The following PCDHA13 variants were observed in gnomAD, a reference collection of about 807,000 sequenced individuals.
PCDHA13 encodes the protein protocadherin alpha 13.
PCDHA13 carries 54 observed loss-of-function variants against 64.8 expected under a neutral mutation model. The observed-to-expected ratio is 0.83, with a 90% CI of 0.67 to 1.04. The LOEUF is 1.04. Ranked by LOEUF, PCDHA13 falls within the 50% of genes least tolerant of loss-of-function variation. PCDHA13 has a pLI of 0.00. For missense variants in PCDHA13, 1,248 were observed against 1,254.3 expected, an observed-to-expected ratio of 0.99 and a Z score of 0.08; for synonymous variants, 587 against 564.4, an observed-to-expected ratio of 1.04 and a Z score of -0.57.
chr5:140,913,107 CA>C (rs2076210472), intron 1 of PCDHA13, among the ~76,000 whole-genome samples: 1 of 152,078 alleles, frequency 6.6e-6, no homozygotes, highest in South Asian at 2.1e-4. Context: ...CTCATAGAAT[CA>C]GTTTGGAAGT....
intron 3 of PCDHA13, among the ~76,000 whole-genome samples, chr5:141,004,805 A>G (rs1588069791): frequency 6.6e-6 from 1 of 152,310 alleles, no homozygotes; most frequent in African/African-American, 2.4e-5. Flanking sequence ...GCTGAGCTCA[A>G]TTGCAGATTT....
chr5:140,943,057 G>A (rs907618778), intron 1 of PCDHA13, among the ~76,000 whole-genome samples: 2 of 151,996 alleles, frequency 1.3e-5, no homozygotes, highest in African/African-American at 4.8e-5. Context: ...AGGAGTTCAA[G>A]AACAGCCTGA....
At chr5:140,927,248 A>G in intron 1 of PCDHA13, 1 of 1,614,064 alleles carries the variant, frequency 6.2e-7, no homozygotes. Flanking sequence ...GACACCAATG[A>G]CAACTCACCT....
At chr5:140,931,246 C>A (rs2087398062) in intron 1 of PCDHA13, among the ~76,000 whole-genome samples, 1 of 152,114 alleles carries the variant, frequency 6.6e-6, no homozygotes, top group East Asian at 1.9e-4. Flanking sequence ...ACTTTTCCTA[C>A]CAAGAAATTT....
At chr5:140,971,641 C>T (rs1554233513) in intron 1 of PCDHA13, among the ~76,000 whole-genome samples, 1 of 152,078 alleles carries the variant, frequency 6.6e-6, no homozygotes, top group African/African-American at 2.4e-5. Context: ...CATGTGCCTA[C>T]ATTAAAAGTA....
intron 1 of PCDHA13, chr5:140,966,454 C>G (rs897696652): frequency 1.6e-5 from 7 of 426,406 alleles, no homozygotes; most frequent in Non-Finnish European, 1.6e-5. Flanking sequence ...TCCCCCTCCC[C>G]CTCTGTCTTC....
intron 3 of PCDHA13, among the ~76,000 whole-genome samples, chr5:140,997,463 C>A (rs2097770932): frequency 6.6e-6 from 1 of 152,198 alleles, no homozygotes; most frequent in Admixed American, 6.5e-5. Context: ...ATACTGTAGG[C>A]AATTTTTACA....
intron 1 of PCDHA13, among the ~76,000 whole-genome samples, chr5:140,946,700 G>T (rs2094011625): frequency 6.7e-6 from 1 of 148,322 alleles, no homozygotes; most frequent in African/African-American, 2.5e-5. Flanking sequence ...GGATGAATCT[G>T]GAGGTCATTA....
chr5:140,912,530 A>C (rs2075961098), intron 1 of PCDHA13, among the ~76,000 whole-genome samples: 2 of 152,178 alleles, frequency 1.3e-5, no homozygotes, highest in East Asian at 1.9e-4. Context: ...TTCAGAGTAC[A>C]TGATCATATT....
chr5:140,966,502 GGCA>G (rs2096011406), intron 1 of PCDHA13: 14 of 433,816 alleles, frequency 3.2e-5, no homozygotes, highest in South Asian at 2.3e-4. Context: ...GAGCTGTAGC[GGCA>G]GCAGCAGCAG....
At chr5:140,912,310 A>T (rs936183695) in intron 1 of PCDHA13, among the ~76,000 whole-genome samples, 1 of 151,764 alleles carries the variant, frequency 6.6e-6, no homozygotes, top group African/African-American at 2.4e-5. Flanking sequence ...AATCCAGTCA[A>T]GTTGACCCTC....
intron 1 of PCDHA13, among the ~76,000 whole-genome samples, chr5:140,886,777 G>A (rs2061124221): frequency 1.4e-5 from 2 of 140,408 alleles, no homozygotes; most frequent in South Asian, 4.7e-4. Flanking sequence ...AGTGAGATGA[G>A]ATCATGCTAC....
intron 1 of PCDHA13, among the ~76,000 whole-genome samples, chr5:140,939,296 C>T (rs2153640792): frequency 6.6e-6 from 1 of 152,210 alleles, no homozygotes; most frequent in South Asian, 2.1e-4. Flanking sequence ...CTAATCATCT[C>T]TACAAAAGCC....
intron 1 of PCDHA13, among the ~76,000 whole-genome samples, chr5:140,897,463 T>C (rs573452029): frequency 6.6e-6 from 1 of 151,924 alleles, no homozygotes; most frequent in African/African-American, 2.4e-5. Flanking sequence ...CTTGCGATAG[T>C]TTACTGAGAA....
intron 1 of PCDHA13, among the ~76,000 whole-genome samples, chr5:140,970,178 A>T (rs1190328996): frequency 6.6e-6 from 1 of 152,214 alleles, no homozygotes; most frequent in East Asian, 1.9e-4. Context: ...GCATACTCTG[A>T]ATTCATTGTA....
chr5:140,993,631 G>A (rs1466996708), intron 3 of PCDHA13, among the ~76,000 whole-genome samples: 2 of 152,162 alleles, frequency 1.3e-5, no homozygotes, highest in African/African-American at 2.4e-5. Context: ...ATATATAGTC[G>A]TGTACCAAAT....
intron 1 of PCDHA13, among the ~76,000 whole-genome samples, chr5:140,941,281 C>G (rs12652617): frequency 1.4e-5 from 1 of 69,002 alleles, no homozygotes. Flanking sequence ...TTCCTTCCTT[C>G]CTTTCTCTTT....
chr5:140,885,642 A>G (rs2060672494), intron 1 of PCDHA13, among the ~76,000 whole-genome samples: 1 of 152,170 alleles, frequency 6.6e-6, no homozygotes, highest in Non-Finnish European at 1.5e-5. Flanking sequence ...CCTTCCAAGT[A>G]TTTTGGAACC....
intron 3 of PCDHA13, among the ~76,000 whole-genome samples, chr5:140,990,256 A>G (rs2153888367): frequency 6.6e-6 from 1 of 152,332 alleles, no homozygotes; most frequent in Middle Eastern, 3.4e-3. Flanking sequence ...TCTGCTGGAT[A>G]CCAAACAATG....
Sources: allele counts gnomAD v4.1 joint callset (sites outside exome capture counted in the v4.1 genomes callset), GRCh38; gene constraint gnomAD v4.1.1; transcripts MANE v1.5; gene names NCBI Gene and HGNC (gene_info 2026-07-23, HGNC 2026-07-21).